Variants in ABCC1 observed in about 807,000 individuals in gnomAD.
The protein encoded by ABCC1 is ATP binding cassette subfamily C member 1 (ABCC1 blood group), also known as multidrug resistance-associated protein 1.
Under a neutral mutation model 172.9 loss-of-function variants are expected in ABCC1, and 83 were observed. The ratio of observed to expected loss-of-function variants is 0.48; its 90% confidence interval spans 0.40 to 0.58. ABCC1 has a LOEUF of 0.58. Ranked by LOEUF, ABCC1 falls within the 20% of genes least tolerant of loss-of-function variation. ABCC1 has a pLI of 0.00. For synonymous variants in ABCC1, 937 were observed against 825.2 expected (o/e 1.14, Z -2.32); for missense variants, 1,817 against 2,002.7 (o/e 0.91, Z 1.77).
At chr16:16,033,241 A>C in intron 6 of ABCC1, 71 bp downstream of exon 6, 1 of 1,449,036 alleles carries the variant, frequency 6.9e-7, no homozygotes, top group Admixed American at 1.7e-5. Flanking sequence ...ACGAATGAAC[A>C]TGCTCAGCTC....
At chr16:15,992,989 C>A (rs978441380) in intron 1 of ABCC1, among the ~76,000 whole-genome samples, 1 of 152,122 alleles carries the variant, frequency 6.6e-6, no homozygotes, top group Non-Finnish European at 1.5e-5. Flanking sequence ...CCTGACCCTT[C>A]CAGTCTGCTA....
At chr16:15,972,448 T>G (rs1259464480) in intron 1 of ABCC1, among the ~76,000 whole-genome samples, 1 of 152,210 alleles carries the variant, frequency 6.6e-6, no homozygotes, top group African/African-American at 2.4e-5. Flanking sequence ...AGGACTGACA[T>G]CTCTGCTGTT....
At chr16:16,054,540 C>A (rs2049569821) in intron 11 of ABCC1, among the ~76,000 whole-genome samples, 1 of 151,998 alleles carries the variant, frequency 6.6e-6, no homozygotes, top group Admixed American at 6.6e-5. Context: ...ACTGACGATA[C>A]CACAGGGAGA....
chr16:16,138,606 C>T, intron 30 of ABCC1, 48 bp downstream of exon 30: 1 of 1,407,828 alleles, frequency 7.1e-7, no homozygotes, highest in Non-Finnish European at 9.5e-7. Flanking sequence ...GTTTGCCTTA[C>T]TCACTGGCTC....
intron 30 of ABCC1, 88 bp downstream of exon 30, chr16:16,138,646 T>C: frequency 1.8e-6 from 2 of 1,136,778 alleles, no homozygotes; most frequent in Admixed American, 3.0e-5. Context: ...CATTCAACAC[T>C]GTCCTTATCC....
At position 15,999,809 on chromosome 16, in the gene ABCC1, C is replaced by CTCTCTCTCT. The variant is rs374395529; in HGVS notation, c.49-8007_49-8006insTCTCTCTCT. On this transcript the variant is annotated intron_variant, in intron 1 of 30. Transcript: ENST00000399410. ...TCTCTCTCTCTCTCTCTCTCTCTCT[C>CTCTCTCTCT]CTCTCTCTCTCTCTCTCTCTCTCTG... 3.5e-3 allele frequency among the ~76,000 whole-genome samples: 29 copies of CTCTCTCTCT among 8,356 alleles called. 3 individuals carry two copies. Among genetic ancestry groups the CTCTCTCTCT allele is most frequent in the East Asian group, 5.3e-3 (2 of 380 alleles). 5.5% of individuals were successfully genotyped at this position (8,356 alleles called of 152,430 possible).
intron 7 of ABCC1, among the ~76,000 whole-genome samples, chr16:16,038,748 C>A (rs556937372): frequency 2.0e-5 from 3 of 152,314 alleles, no homozygotes; most frequent in East Asian, 3.9e-4. Flanking sequence ...GCATCCCCCC[C>A]GCTAAGCAGG....
At chr16:16,082,549 A>T (rs1021056040) in intron 16 of ABCC1, among the ~76,000 whole-genome samples, 3 of 91,312 alleles carry the variant, frequency 3.3e-5, no homozygotes, top group African/African-American at 1.2e-4. Flanking sequence ...AATAAAAATA[A>T]GCCTTTGAAA....
At chr16:16,127,859 C>T (rs978534250) in intron 26 of ABCC1, among the ~76,000 whole-genome samples, 1 of 151,682 alleles carries the variant, frequency 6.6e-6, no homozygotes, top group African/African-American at 2.4e-5. Context: ...GGGTGTATTA[C>T]ACCGGCGGCT....
At chr16:16,003,801 A>ATGGG (rs1258503248) in intron 1 of ABCC1, among the ~76,000 whole-genome samples, 1 of 95,534 alleles carries the variant, frequency 1.0e-5, no homozygotes, top group Admixed American at 1.0e-4. Flanking sequence ...GGGTGGGTGG[A>ATGGG]TGGATGGATG....
intron 15 of ABCC1, among the ~76,000 whole-genome samples, chr16:16,076,854 A>G (rs969166692): frequency 4.6e-5 from 7 of 152,166 alleles, no homozygotes; most frequent in Non-Finnish European, 1.0e-4. Context: ...TCCCACTGTT[A>G]GGAGAACTGC....
intron 20 of ABCC1, 49 bp from the exon 21 acceptor site, chr16:16,106,689 C>T (rs2052128902): frequency 6.2e-7 from 1 of 1,611,494 alleles, no homozygotes; most frequent in Non-Finnish European, 8.5e-7. Flanking sequence ...CCCTCCGACC[C>T]TGCCCAAGGC....
intron 28 of ABCC1, 143 bp downstream of exon 28, chr16:16,134,651 T>C (rs1193166808): frequency 1.1e-4 from 91 of 860,996 alleles, no homozygotes; most frequent in Middle Eastern, 2.9e-4. Flanking sequence ...TTTTTTTTTT[T>C]CCTGAAACAG....
At chr16:16,118,643 A>G (rs1005983546) in intron 23 of ABCC1, among the ~76,000 whole-genome samples, 6 of 151,956 alleles carry the variant, frequency 3.9e-5, no homozygotes, top group African/African-American at 1.5e-4. Context: ...TGGAGCACCA[A>G]GGATTTTTAT....
At chr16:15,990,784 G>A (rs1465418119) in intron 1 of ABCC1, among the ~76,000 whole-genome samples, 1 of 150,986 alleles carries the variant, frequency 6.6e-6, no homozygotes. Context: ...CGAGTAGCTG[G>A]AACCACAGGT....
chr16:15,987,748 C>T (rs778538873), intron 1 of ABCC1, among the ~76,000 whole-genome samples: 1 of 152,224 alleles, frequency 6.6e-6, no homozygotes, highest in Non-Finnish European at 1.5e-5. Context: ...CTGTGCGTCC[C>T]GCACTGACTG....
intron 9 of ABCC1, among the ~76,000 whole-genome samples, chr16:16,047,470 T>C (rs1193275796): frequency 1.3e-5 from 2 of 152,074 alleles, no homozygotes; most frequent in Non-Finnish European, 2.9e-5. Context: ...TCTTAGTGTT[T>C]TTAAAACTCA....
At chr16:15,950,679 C>G (rs1176471843) in intron 1 of ABCC1, among the ~76,000 whole-genome samples, 1 of 152,134 alleles carries the variant, frequency 6.6e-6, no homozygotes, top group African/African-American at 2.4e-5. Context: ...CCTCTTTGTT[C>G]CAGGAAGGCA....
At chr16:16,103,215 A>C (rs533523097) in intron 20 of ABCC1, among the ~76,000 whole-genome samples, 4 of 152,258 alleles carry the variant, frequency 2.6e-5, no homozygotes, top group Admixed American at 2.6e-4. Context: ...GTGTTTGATT[A>C]TAGAGGGCTT....
Sources: gnomAD v4.1 joint callset for allele counts (sites outside exome capture counted in the v4.1 genomes callset) on GRCh38, gnomAD v4.1.1 for gene constraint, MANE v1.5 for transcripts, NCBI Gene and HGNC (gene_info 2026-07-23, HGNC 2026-07-21) for gene names.